TMEFF1: variants seen among roughly 807,000 people sequenced by gnomAD.
The protein encoded by TMEFF1 is tomoregulin-1.
In TMEFF1, 20 loss-of-function variants were observed where a neutral mutation model predicts 47.5. The ratio of observed to expected loss-of-function variants is 0.42; its 90% confidence interval spans 0.30 to 0.61. TMEFF1 has a LOEUF of 0.61. Among genes scored for constraint, TMEFF1 ranks in the 20% least tolerant of loss-of-function variants. TMEFF1 has a pLI of 0.19. For synonymous variants in TMEFF1, 162 were observed against 166.3 expected, an observed-to-expected ratio of 0.97 and a Z score of 0.20; for missense variants, 411 against 471.1, an observed-to-expected ratio of 0.87 and a Z score of 1.18.
Position 100,576,609 on chromosome 9 carries a change from C to G in TMEFF1, c.*9C>G. 6.2e-7 allele frequency: 1 copy of G among 1,606,630 alleles called. No individual in the cohort carries two copies. The highest frequency in any genetic ancestry group is 2.2e-5 in the East Asian group (1 of 44,748). On this transcript the variant is annotated 3_prime_UTR_variant, in exon 10 of 10. Coordinates refer to ENST00000374879, the MANE Select transcript of TMEFF1 (RefSeq NM_003692.5). ...CATCCAGAATGGTTTAAACTGATGA[C>G]TTTTATATGTACACTGACCATGTGA... is the stretch of plus-strand genomic sequence containing the variant.
chr9:100,493,033 C>T (rs1837584287), intron 1 of TMEFF1, among the ~76,000 whole-genome samples: 1 of 152,092 alleles, frequency 6.6e-6, no homozygotes, highest in Non-Finnish European at 1.5e-5. Flanking sequence ...TGTTTGCTTT[C>T]CCTTTACTGT....
chr9:100,511,356 G>A (rs901640629), intron 3 of TMEFF1, among the ~76,000 whole-genome samples: 1 of 152,102 alleles, frequency 6.6e-6, no homozygotes, highest in Non-Finnish European at 1.5e-5. Flanking sequence ...ACAAGACCTC[G>A]CCTTAACCTA....
intron 1 of TMEFF1, among the ~76,000 whole-genome samples, chr9:100,497,191 A>G (rs768040407): frequency 4.6e-5 from 7 of 152,158 alleles, no homozygotes; most frequent in Admixed American, 6.5e-5. Flanking sequence ...AACCAAGGAC[A>G]TAAAGCTTCC....
intron 3 of TMEFF1, among the ~76,000 whole-genome samples, chr9:100,510,894 G>T (rs1291942585): frequency 1.3e-5 from 2 of 152,156 alleles, no homozygotes; most frequent in African/African-American, 4.8e-5. Flanking sequence ...TACTCTTCAT[G>T]ATTGGTCTTT....
intron 2 of TMEFF1, among the ~76,000 whole-genome samples, chr9:100,506,736 C>T (rs1837870784): frequency 7.5e-6 from 1 of 133,984 alleles, no homozygotes; most frequent in Admixed American, 8.7e-5. Flanking sequence ...CACTGCTCTC[C>T]AGCCTAGGCG....
chr9:100,568,596 C>T (rs972933930), intron 8 of TMEFF1, among the ~76,000 whole-genome samples: 1 of 30,494 alleles, frequency 3.3e-5, no homozygotes, highest in Non-Finnish European at 1.0e-4. Context: ...CCCTCCCTCT[C>T]TTCCTTCCTT....
At chr9:100,563,807 A>G (rs1340806530) in intron 8 of TMEFF1, among the ~76,000 whole-genome samples, 1 of 152,188 alleles carries the variant, frequency 6.6e-6, no homozygotes, top group African/African-American at 2.4e-5. Context: ...TTTTTGAATG[A>G]CCTGTGATGA....
chr9:100,509,273 T>C (rs1837917677), intron 3 of TMEFF1, 139 bp downstream of exon 3: 1 of 1,249,116 alleles, frequency 8.0e-7, no homozygotes, highest in Non-Finnish European at 1.0e-6. Flanking sequence ...GGGAAATCTT[T>C]TTTGCCCTCA....
intron 7 of TMEFF1, among the ~76,000 whole-genome samples, chr9:100,555,086 GGA>G (rs889545674): frequency 6.6e-6 from 1 of 151,976 alleles, no homozygotes; most frequent in African/African-American, 2.4e-5. Flanking sequence ...AGCTGGTGGT[GGA>G]TTTGTTTCTG....
At chr9:100,572,424 A>T in intron 8 of TMEFF1, 94 bp from the exon 9 acceptor site, 1 of 1,344,802 alleles carries the variant, frequency 7.4e-7, no homozygotes, top group Non-Finnish European at 9.7e-7. Context: ...ATTCCTGTTT[A>T]AATTTTATTA....
intron 5 of TMEFF1, among the ~76,000 whole-genome samples, chr9:100,533,969 G>A (rs910733123): frequency 6.6e-6 from 1 of 151,998 alleles, no homozygotes; most frequent in Non-Finnish European, 1.5e-5. Context: ...CACCCACCTC[G>A]ACCTTCTAAA....
chr9:100,503,810 C>T (rs749897862), intron 2 of TMEFF1, among the ~76,000 whole-genome samples: 1 of 152,158 alleles, frequency 6.6e-6, no homozygotes, highest in Non-Finnish European at 1.5e-5. Context: ...CCCACTCACA[C>T]TGGGGAGGGC....
At chr9:100,531,576 T>G (rs868447371) in intron 5 of TMEFF1, among the ~76,000 whole-genome samples, 238 of 151,846 alleles carry the variant, frequency 1.6e-3, no homozygotes, top group African/African-American at 5.2e-3. Flanking sequence ...CACTGCTCAA[T>G]AAAATAAAAG....
chr9:100,523,394 G>A (rs182581976), intron 5 of TMEFF1, among the ~76,000 whole-genome samples: 4 of 152,278 alleles, frequency 2.6e-5, no homozygotes, highest in Admixed American at 2.0e-4. Context: ...AGTAGACTGT[G>A]AGCTTCCTGA....
At chr9:100,523,047 C>G (rs1838194427) in intron 5 of TMEFF1, among the ~76,000 whole-genome samples, 1 of 152,182 alleles carries the variant, frequency 6.6e-6, no homozygotes, top group Non-Finnish European at 1.5e-5. Flanking sequence ...CCAGAAATAC[C>G]TTCTTAAAGT....
intron 5 of TMEFF1, among the ~76,000 whole-genome samples, chr9:100,545,057 T>C (rs540718498): frequency 3.3e-5 from 5 of 152,226 alleles, no homozygotes; most frequent in African/African-American, 1.2e-4. Flanking sequence ...TGGCATTGAG[T>C]GTCTGTGGCT....
chr9:100,524,150 T>A (rs1348143857), intron 5 of TMEFF1, among the ~76,000 whole-genome samples: 9 of 146,988 alleles, frequency 6.1e-5, no homozygotes, highest in African/African-American at 1.7e-4. Context: ...TTCTTTTATT[T>A]AAAAAAAAAA....
chr9:100,572,757 C>G, intron 9 of TMEFF1, 81 bp downstream of exon 9: 3 of 1,455,342 alleles, frequency 2.1e-6, no homozygotes, highest in Non-Finnish European at 2.7e-6. Flanking sequence ...GGCCACCAGT[C>G]TATTAGGAAA....
chr9:100,541,807 T>C (rs1838638882), intron 5 of TMEFF1, among the ~76,000 whole-genome samples: 1 of 152,236 alleles, frequency 6.6e-6, no homozygotes, highest in Non-Finnish European at 1.5e-5. Context: ...TTTTCTTTAA[T>C]TCCTATAATC....
Sources: gnomAD v4.1 joint callset for allele counts (sites outside exome capture counted in the v4.1 genomes callset) on GRCh38, gnomAD v4.1.1 for gene constraint, MANE v1.5 for transcripts, NCBI Gene and HGNC (gene_info 2026-07-23, HGNC 2026-07-21) for gene names.